Variants in SLC38A1 observed in about 807,000 individuals in gnomAD.
The protein encoded by SLC38A1 is solute carrier family 38 member 1, also known as sodium-coupled neutral amino acid symporter 1.
SLC38A1 carries 18 observed loss-of-function variants against 60.3 expected under a neutral mutation model. The ratio of observed to expected loss-of-function variants is 0.30; its 90% confidence interval spans 0.21 to 0.44. The LOEUF (loss-of-function observed/expected upper bound fraction) is 0.44. Ranked by LOEUF, SLC38A1 falls within the 20% of genes least tolerant of loss-of-function variation. The pLI is 1.00. For synonymous variants in SLC38A1, 196 were observed against 212.1 expected, an observed-to-expected ratio of 0.92 and a Z score of 0.66; for missense variants, 448 against 587.2, an observed-to-expected ratio of 0.76 and a Z score of 2.45.
intron 1 of SLC38A1, among the ~76,000 whole-genome samples, chr12:46,257,395 T>C (rs1404878295): frequency 6.6e-6 from 1 of 152,184 alleles, no homozygotes; most frequent in Non-Finnish European, 1.5e-5. Context: ...CTAACCCATT[T>C]GGGTGTCCTT....
intron 13 of SLC38A1, among the ~76,000 whole-genome samples, chr12:46,200,780 C>A (rs552740682): frequency 6.6e-6 from 1 of 152,132 alleles, no homozygotes; most frequent in Non-Finnish European, 1.5e-5. Flanking sequence ...ACCCAATTTG[C>A]GGTGTCAATT....
At chr12:46,211,811 T>A (rs1230335127) in intron 5 of SLC38A1, among the ~76,000 whole-genome samples, 2 of 152,250 alleles carry the variant, frequency 1.3e-5, no homozygotes, top group East Asian at 3.8e-4. Flanking sequence ...GTCTGATAGT[T>A]TTTGCCTTTA....
In SLC38A1 at chr12:46,239,873, C is replaced by A. The variant is rs1393242959; in HGVS notation, c.-73G>T. On this transcript the variant is annotated 5_prime_UTR_variant, in exon 3 of 17. Coordinates refer to ENST00000398637, the MANE Select transcript of SLC38A1 (RefSeq NM_030674.4). ...TCTGAGTGTATTTAGAAGTAGATAC[C>A]AAAATGGAAGCTTGACACCCCTAAA... 81 of 1,498,306 alleles carry A rather than the reference C, an allele frequency of 5.4e-5. No individual in the cohort carries two copies. Among genetic ancestry groups the A allele is most frequent in the Non-Finnish European group, 7.2e-5 (79 of 1,091,930 alleles). The allele number at this position is 1,498,306 out of a possible 1,614,324, so 92.8% of individuals were successfully genotyped here.
chr12:46,209,503 G>T (rs1940053821), intron 5 of SLC38A1, among the ~76,000 whole-genome samples: 1 of 152,182 alleles, frequency 6.6e-6, no homozygotes. Flanking sequence ...CGGAGGGAAA[G>T]GCTGGCAGTG....
intron 5 of SLC38A1, among the ~76,000 whole-genome samples, chr12:46,216,936 G>A (rs1435524704): frequency 6.6e-6 from 1 of 152,082 alleles, no homozygotes; most frequent in African/African-American, 2.4e-5. Context: ...CAGGGACAAG[G>A]TGTTCTGAGT....
chr12:46,187,991 C>T lies in SLC38A1; in HGVS notation c.*979G>A. 1 of 152,138 alleles carries T rather than the reference C, an allele frequency of 6.6e-6. No homozygotes were observed. The highest frequency in any genetic ancestry group is 6.6e-5 in the Admixed American group (1 of 15,262). The allele number at this position is 152,138 out of a possible 1,614,324, so 9.4% of individuals were successfully genotyped here. On this transcript the variant is annotated 3_prime_UTR_variant, in exon 17 of 17. Coordinates refer to ENST00000398637, the MANE Select transcript of SLC38A1 (RefSeq NM_030674.4). Reference sequence around the variant, plus strand: ...TCCTTAGTTAGGTACACATGATTCTCTGTGCAACTAGCTGGTGGACATGAA... The same window carrying T: ...TCCTTAGTTAGGTACACATGATTCTTTGTGCAACTAGCTGGTGGACATGAA...
At chr12:46,212,758 T>A (rs551222595) in intron 5 of SLC38A1, among the ~76,000 whole-genome samples, 1 of 152,300 alleles carries the variant, frequency 6.6e-6, no homozygotes. Flanking sequence ...ACAGGAAACC[T>A]CTATGCTCCA....
chr12:46,209,508 G>A (rs1003765066), intron 5 of SLC38A1, among the ~76,000 whole-genome samples: 1 of 152,168 alleles, frequency 6.6e-6, no homozygotes, highest in Non-Finnish European at 1.5e-5. Context: ...GGAAAGGCTG[G>A]CAGTGACCTT....
At chr12:46,202,478 A>C (rs1939706620) in intron 12 of SLC38A1, among the ~76,000 whole-genome samples, 1 of 152,226 alleles carries the variant, frequency 6.6e-6, no homozygotes. Flanking sequence ...AAAACCAGCA[A>C]TCAAAAATAA....
At chr12:46,215,869 T>G (rs1592099042) in intron 5 of SLC38A1, among the ~76,000 whole-genome samples, 2 of 152,288 alleles carry the variant, frequency 1.3e-5, no homozygotes, top group African/African-American at 4.8e-5. Flanking sequence ...GGGGTAAAAG[T>G]GGTCTTTATT....
chr12:46,249,790 A>G (rs951671625), intron 1 of SLC38A1, among the ~76,000 whole-genome samples: 38 of 152,246 alleles, frequency 2.5e-4, no homozygotes, highest in African/African-American at 9.2e-4. Flanking sequence ...TAAACCAGGA[A>G]GAAGTGGAAT....
chr12:46,218,750 G>A (rs1245857502), intron 5 of SLC38A1, among the ~76,000 whole-genome samples: 2 of 152,106 alleles, frequency 1.3e-5, no homozygotes, highest in Non-Finnish European at 2.9e-5. Flanking sequence ...GAGCATTCGG[G>A]GATCAGAGTT....
chr12:46,207,970 T>C (rs1373464996), intron 6 of SLC38A1, among the ~76,000 whole-genome samples: 1 of 152,218 alleles, frequency 6.6e-6, no homozygotes, highest in Non-Finnish European at 1.5e-5. Context: ...ACCATTAAAA[T>C]ACATATTTGA....
In SLC38A1 at chr12:46,193,670, C is replaced by T. The variant is rs186037468; in HGVS notation, c.1362+4050G>A. ...TTAGGTCTTCTTGGTGAATTGATCC[C>T]TTTACCACTATGTAGTGGCCCTCTT... On this transcript the variant is annotated intron_variant, in intron 16 of 16. Transcript: ENST00000398637. Among the ~76,000 whole-genome samples the T allele has an allele frequency of 3.8e-3, 572 of 152,220 alleles. 5 individuals carry two copies. The highest frequency in any genetic ancestry group is 0.013 in the African/African-American group (533 of 41,506).
chr12:46,189,475 C>T lies in SLC38A1; in HGVS notation c.1363-404G>A, dbSNP rs189709319. On this transcript the variant is annotated intron_variant, in intron 16 of 16. Transcript: ENST00000398637. ...ACCTACCAACTTAGCTTATCACTGG[C>T]AAGCAAACATTTCTGTTTGAAAAAG... Among the ~76,000 whole-genome samples, 14 of 152,124 alleles carry T rather than the reference C, an allele frequency of 9.2e-5. No individual in the cohort carries two copies. In the East Asian group the frequency reaches 2.7e-3, roughly 29 times the overall value.
chr12:46,202,781 T>C (rs1328598779), intron 12 of SLC38A1, among the ~76,000 whole-genome samples: 7 of 152,246 alleles, frequency 4.6e-5, no homozygotes, highest in African/African-American at 9.6e-5. Flanking sequence ...GGTTGGCTAC[T>C]TTTTATGTTT....
rs1319285944 is a variant in SLC38A1, at chr12:46,183,442, A to C, written c.*5528T>G. The C allele has an allele frequency of 1.3e-5, 2 of 152,224 alleles. No individual in the cohort carries two copies. Among genetic ancestry groups the C allele is most frequent in the Non-Finnish European group, 2.9e-5 (2 of 68,032 alleles). 9.4% of individuals were successfully genotyped at this position (152,224 alleles called of 1,614,324 possible). On this transcript the variant is annotated 3_prime_UTR_variant, in exon 17 of 17. Coordinates refer to ENST00000398637, the MANE Select transcript of SLC38A1 (RefSeq NM_030674.4). ...AAAGGCAAACATGCAGGACTTTCAA[A>C]GCTTGATTAGATAATGGTTCTTTGT...
intron 1 of SLC38A1, among the ~76,000 whole-genome samples, chr12:46,255,427 G>A (rs929992410): frequency 2.6e-4 from 40 of 152,256 alleles, no homozygotes; most frequent in African/African-American, 8.7e-4. Flanking sequence ...TTTAGCCAAT[G>A]TCCACATACA....
chr12:46,210,890 T>C (rs1195533287), intron 5 of SLC38A1, among the ~76,000 whole-genome samples: 4 of 152,088 alleles, frequency 2.6e-5, no homozygotes, highest in African/African-American at 4.8e-5. Flanking sequence ...AGCATGAAAA[T>C]GGACTAATAC....
Sources: gnomAD v4.1 joint callset for allele counts (sites outside exome capture counted in the v4.1 genomes callset) on GRCh38, gnomAD v4.1.1 for gene constraint, MANE v1.5 for transcripts, NCBI Gene and HGNC (gene_info 2026-07-23, HGNC 2026-07-21) for gene names.